The following SAP130 variants were observed in gnomAD, a reference collection of about 807,000 sequenced individuals.
SAP130 encodes histone deacetylase complex subunit SAP130.
Under a neutral mutation model 103.2 loss-of-function variants are expected in SAP130, and 16 were observed. The observed-to-expected ratio is 0.16, with a 90% CI of 0.10 to 0.24. The LOEUF is 0.24. Among genes scored for constraint, SAP130 ranks in the 10% least tolerant of loss-of-function variants. SAP130 has a pLI of 1.00. For missense variants in SAP130, 990 were observed against 1,359.7 expected (o/e 0.73, Z 4.28); for synonymous variants, 477 against 497.0 (o/e 0.96, Z 0.53).
At chr2:127,991,520 T>C (rs1346863677) in intron 12 of SAP130, among the ~76,000 whole-genome samples, 2 of 152,002 alleles carry the variant, frequency 1.3e-5, no homozygotes, top group Non-Finnish European at 2.9e-5. Context: ...TTTGTATTTT[T>C]GGTAGAGACT....
At position 127,952,607 on chromosome 2, in the gene SAP130, C is replaced by G. The variant is rs73955685; in HGVS notation, c.2423-2199G>C. Among the ~76,000 whole-genome samples the G allele has an allele frequency of 6.1e-3, 929 of 152,176 alleles. 21 individuals are homozygous for G. Among genetic ancestry groups the G allele is most frequent in the African/African-American group, 0.019 (806 of 41,502 alleles). On this transcript the variant is annotated intron_variant, in intron 16 of 20. Coordinates refer to ENST00000643581, the MANE Select transcript of SAP130 (RefSeq NM_001330301.2). ...CTTGCCCCCAGTCATGCTTTTACCC[C>G]ATCATTACAGAAAAACTGCTTTTCT...
chr2:128,003,562 G>C (rs1336568052), intron 7 of SAP130, among the ~76,000 whole-genome samples: 1 of 151,360 alleles, frequency 6.6e-6, no homozygotes, highest in Non-Finnish European at 1.5e-5. Context: ...GATTCAGCCT[G>C]GGTGACAGAG....
intron 14 of SAP130, among the ~76,000 whole-genome samples, chr2:127,980,362 C>A (rs540081341): frequency 6.6e-6 from 1 of 152,184 alleles, no homozygotes; most frequent in East Asian, 1.9e-4. Context: ...ACAGAATGAC[C>A]AAACTCACAA....
In SAP130 at chr2:127,950,153, C is replaced by G. The variant is rs765865745; in HGVS notation, c.2671+7G>C. ...CATCATAACACAAGTCAGCCTGTGACCATTACCAATATACTCCTTGGGAGG... is the reference window on the plus strand; with the variant it reads ...CATCATAACACAAGTCAGCCTGTGAGCATTACCAATATACTCCTTGGGAGG... On this transcript the variant is annotated splice_region_variant and intron_variant, in intron 17 of 20. Transcript: ENST00000643581. 3.7e-6 allele frequency: 6 copies of G among 1,614,168 alleles called. No individual in the cohort carries two copies. In the East Asian group the frequency reaches 8.9e-5, roughly 24 times the overall value.
chr2:128,027,118 C>A (rs774822632), intron 1 of SAP130: 2 of 1,406,526 alleles, frequency 1.4e-6, no homozygotes, highest in Non-Finnish European at 9.4e-7. Flanking sequence ...CCGCCCGCAC[C>A]GCCCGCTTCT....
At position 127,941,815 on chromosome 2, in the gene SAP130, G is replaced by T; in HGVS notation, c.*191C>A. The T allele has an allele frequency of 3.4e-6, 2 of 582,990 alleles. No homozygotes were observed. Among genetic ancestry groups the T allele is most frequent in the Non-Finnish European group, 5.9e-6 (2 of 336,382 alleles). 36.1% of individuals were successfully genotyped at this position (582,990 alleles called of 1,614,324 possible). A position where few individuals can be genotyped will look rare whatever the true frequency, so the allele number is the denominator to read the frequency against. On this transcript the variant is annotated 3_prime_UTR_variant, in exon 21 of 21. Transcript: ENST00000643581. The stretch of plus-strand genomic sequence containing the variant: ...CAGGGGTGCACCCGAACGCAAGAAG[G>T]CAGCTCACTATGTCCAGTCAGCTCT...
intron 14 of SAP130, among the ~76,000 whole-genome samples, chr2:127,982,061 T>C (rs1166192855): frequency 1.3e-5 from 2 of 152,002 alleles, no homozygotes; most frequent in Admixed American, 6.6e-5. Flanking sequence ...TTTGAGACTA[T>C]ACATGCGTCT....
chr2:128,012,452 AGAGT>A (rs926910331), intron 6 of SAP130, among the ~76,000 whole-genome samples: 2 of 152,188 alleles, frequency 1.3e-5, no homozygotes, highest in African/African-American at 4.8e-5. Context: ...CCTGGGCAAC[AGAGT>A]GAGACTGTCT....
intron 7 of SAP130, among the ~76,000 whole-genome samples, chr2:128,002,886 GGAGGCCAAGGCAGGCA>G (rs1683661986): frequency 6.6e-6 from 1 of 152,236 alleles, no homozygotes; most frequent in South Asian, 2.1e-4. Flanking sequence ...CAGCACTTTG[GGAGGCCAAGGCAGGCA>G]GATTGCTTGA....
intron 4 of SAP130, 34 bp downstream of exon 4, chr2:128,016,355 G>C (rs772673184): frequency 6.3e-7 from 1 of 1,597,388 alleles, no homozygotes; most frequent in Non-Finnish European, 8.6e-7. Context: ...TGGCATTTCA[G>C]TTTGAAAATC....
Position 128,015,770 on chromosome 2 carries a change from C to T in SAP130, c.507+619G>A, listed in dbSNP as rs189625202. Among the ~76,000 whole-genome samples, 145 of 151,776 alleles carry T rather than the reference C, an allele frequency of 9.6e-4. No homozygotes were observed. In the Middle Eastern group the frequency reaches 0.01, roughly 11 times the overall value. On this transcript the variant is annotated intron_variant, in intron 4 of 20. Coordinates refer to ENST00000643581, the MANE Select transcript of SAP130 (RefSeq NM_001330301.2). Reference sequence around the variant, plus strand: ...CAGCCTGGCCAACATGGTGAAACCCCGTCTCTATTAAAATAAAAAAATTAG... The same window carrying T: ...CAGCCTGGCCAACATGGTGAAACCCTGTCTCTATTAAAATAAAAAAATTAG...
chr2:128,018,187 A>T (rs1238951455), intron 2 of SAP130, among the ~76,000 whole-genome samples: 3 of 152,182 alleles, frequency 2.0e-5, no homozygotes, highest in Non-Finnish European at 4.4e-5. Context: ...TGAAATAGTT[A>T]AAAGTACAAT....
chr2:127,968,635 C>T (rs998474307), intron 15 of SAP130, among the ~76,000 whole-genome samples: 2 of 151,748 alleles, frequency 1.3e-5, no homozygotes, highest in African/African-American at 4.8e-5. Flanking sequence ...GCAAATCTCC[C>T]ACCTCCCGAG....
intron 19 of SAP130, among the ~76,000 whole-genome samples, chr2:127,944,527 TCAAG>T (rs1678933538): frequency 6.6e-6 from 1 of 151,958 alleles, no homozygotes. Flanking sequence ...CCTTCTGGTT[TCAAG>T]CAATTCTCCT....
intron 7 of SAP130, among the ~76,000 whole-genome samples, chr2:128,004,389 A>T (rs1425561230): frequency 1.0e-5 from 1 of 95,726 alleles, no homozygotes. Flanking sequence ...TTTTTTTTTT[A>T]AAGCGATAGA....
In SAP130 at chr2:127,942,505, A is replaced by G; in HGVS notation, c.2934T>C (p.Leu978=). ...TNLEHDVYER[L]TNLQEGIIPK... ...GGATAATCCCTTCCTGCAGGTTAGT[A>G]AGTCTTTCATAGACATCATGTTCTA... The change falls in exon 20 of 21, where the codon CTT becomes CTC. Residue 978 remains leucine, a synonymous_variant. Coordinates refer to ENST00000643581, the MANE Select transcript of SAP130 (RefSeq NM_001330301.2). The surrounding 1 kb of genome is among the most constrained non-coding windows in gnomAD (Gnocchi z 4.8). The G allele has an allele frequency of 1.9e-6, 3 of 1,612,910 alleles. No homozygotes were observed. The highest frequency in any genetic ancestry group is 2.5e-6 in the Non-Finnish European group (3 of 1,178,898).
intron 18 of SAP130, among the ~76,000 whole-genome samples, chr2:127,946,525 TTGAA>T (rs1287742543): frequency 1.3e-5 from 2 of 152,090 alleles, no homozygotes; most frequent in African/African-American, 2.4e-5. Context: ...TTGTTGTGGG[TTGAA>T]TGGTTTTCCC....
rs1400438080 is a variant in SAP130 at position 128,027,804 on chromosome 2, CGGTCCGAGCCGCAGGA to C, written c.-7+120_-7+135del. On this transcript the variant is annotated intron_variant, in intron 1 of 20. Transcript: ENST00000643581. ...CCGTGACCAGCTCGCGAAAGAGCCG[CGGTCCGAGCCGCAGGA>C]GACGAGGATCCTCTGCCCTTCCCCG... 5 of 531,660 alleles carry C rather than the reference CGGTCCGAGCCGCAGGA, an allele frequency of 9.4e-6. No individual in the cohort carries two copies. In the Admixed American group the frequency reaches 1.9e-4, roughly 20 times the overall value. 32.9% of individuals were successfully genotyped at this position (531,660 alleles called of 1,614,324 possible).
chr2:127,949,835 T>C (rs374049196), intron 18 of SAP130, 34 bp downstream of exon 18: 2 of 1,601,708 alleles, frequency 1.2e-6, no homozygotes, highest in South Asian at 1.1e-5. Flanking sequence ...ACCAATTTCA[T>C]GCATTAATAT....
Sources: gnomAD v4.1 joint callset for allele counts (sites outside exome capture counted in the v4.1 genomes callset) on GRCh38, gnomAD v4.1.1 for gene constraint, Gnocchi (gnomAD v3.1) non-coding constraint, MANE v1.5 for transcripts, NCBI Gene and HGNC (gene_info 2026-07-23, HGNC 2026-07-21) for gene names.